MALT1: variants seen among roughly 807,000 people sequenced by gnomAD.
MALT1 encodes the protein MALT1 paracaspase.
Under a neutral mutation model 85.5 loss-of-function variants are expected in MALT1, and 36 were observed. That is an observed-to-expected ratio of 0.42 (90% CI 0.32 to 0.56). The LOEUF is 0.56. MALT1 is among the 20% of genes least tolerant of loss of function. The pLI is 0.10. For missense variants in MALT1, 716 were observed against 981.6 expected (o/e 0.73, Z 3.62); for synonymous variants, 359 against 361.3 (o/e 0.99, Z 0.07).
Position 58,733,377 on chromosome 18 carries a change from C to CT in MALT1, c.1223-18dup, listed in dbSNP as rs1414345919. 5.9e-6 allele frequency: 9 copies of CT among 1,517,958 alleles called. No individual in the cohort carries two copies. In the East Asian group the frequency reaches 6.7e-5, roughly 11 times the overall value. The allele number at this position is 1,517,958 out of a possible 1,614,324, so 94.0% of individuals were successfully genotyped here. A position where few individuals can be genotyped will look rare whatever the true frequency, so the allele number is the denominator to read the frequency against. On this transcript the variant is annotated intron_variant, in intron 10 of 16. Coordinates refer to ENST00000649217, the MANE Select transcript of MALT1 (RefSeq NM_006785.4). ...ATTTAGAATTGACATCTATCTCTCTCTTATTTTTCCTCTTTTCAGGGTTAT... is the reference window on the plus strand; with the variant it reads ...ATTTAGAATTGACATCTATCTCTCTCTTTATTTTTCCTCTTTTCAGGGTTAT...
chr18:58,734,977 A>G lies in MALT1; in HGVS notation c.1476-225A>G, dbSNP rs2055204231. On this transcript the variant is annotated intron_variant, in intron 12 of 16. Coordinates refer to ENST00000649217, the MANE Select transcript of MALT1 (RefSeq NM_006785.4). The stretch of plus-strand genomic sequence containing the variant: ...GTATTCAATGTGGAATGATTGAATC[A>G]AGATAATTCACATATCACCTCAAAT... Among the ~76,000 whole-genome samples, 3 of 152,238 alleles carry G rather than the reference A, an allele frequency of 2.0e-5. No individual in the cohort carries two copies. The South Asian group carries it at 6.2e-4, about 32-fold the overall frequency.
chr18:58,706,170 T>A (rs1300121108), intron 4 of MALT1, among the ~76,000 whole-genome samples: 1 of 152,100 alleles, frequency 6.6e-6, no homozygotes, highest in East Asian at 1.9e-4. Context: ...TATTTTTTAG[T>A]AGAGACGGGG....
At chr18:58,684,787 A>G (rs920272046) in intron 2 of MALT1, among the ~76,000 whole-genome samples, 1 of 152,168 alleles carries the variant, frequency 6.6e-6, no homozygotes, top group African/African-American at 2.4e-5. Flanking sequence ...GAAATATAAG[A>G]ATTACAGAGA....
intron 4 of MALT1, among the ~76,000 whole-genome samples, chr18:58,701,008 G>T (rs374518514): frequency 6.6e-6 from 1 of 151,990 alleles, no homozygotes; most frequent in Non-Finnish European, 1.5e-5. Context: ...GGCCAGGCTG[G>T]TCTTGAACTC....
intron 13 of MALT1, among the ~76,000 whole-genome samples, chr18:58,737,781 C>T (rs909206842): frequency 6.6e-6 from 1 of 152,100 alleles, no homozygotes; most frequent in Non-Finnish European, 1.5e-5. Context: ...TAGGGTTTCG[C>T]CATGTTGGCC....
At chr18:58,683,973 C>A (rs2054360133) in intron 2 of MALT1, among the ~76,000 whole-genome samples, 1 of 152,042 alleles carries the variant, frequency 6.6e-6, no homozygotes, top group South Asian at 2.1e-4. Flanking sequence ...GCTCTGTCTC[C>A]CAGGCTGGAA....
intron 15 of MALT1, among the ~76,000 whole-genome samples, chr18:58,744,806 GTTATAAC>G (rs2055345736): frequency 6.6e-6 from 1 of 152,138 alleles, no homozygotes. Context: ...CTTTTAAACA[GTTATAAC>G]TTATATTGGA....
intron 4 of MALT1, among the ~76,000 whole-genome samples, chr18:58,708,936 G>A (rs527605214): frequency 1.3e-5 from 2 of 152,326 alleles, no homozygotes; most frequent in East Asian, 3.9e-4. Context: ...TATTTATTCA[G>A]TGCGGGTTAC....
intron 13 of MALT1, among the ~76,000 whole-genome samples, chr18:58,737,773 G>A (rs1320533091): frequency 1.3e-5 from 2 of 152,050 alleles, no homozygotes; most frequent in Admixed American, 1.3e-4. Flanking sequence ...GGTAGAGATA[G>A]GGTTTCGCCA....
intron 10 of MALT1, among the ~76,000 whole-genome samples, chr18:58,725,483 A>C (rs1012275694): frequency 6.6e-6 from 1 of 152,154 alleles, no homozygotes; most frequent in African/African-American, 2.4e-5. Context: ...AGGATACTCA[A>C]CCTGTATTTT....
At chr18:58,737,326 T>A (rs1012591954) in intron 13 of MALT1, among the ~76,000 whole-genome samples, 33 of 151,896 alleles carry the variant, frequency 2.2e-4, no homozygotes, top group African/African-American at 7.7e-4. Flanking sequence ...TATAAAAATT[T>A]AAAAAATTAG....
In MALT1 at chr18:58,741,974, T is replaced by C. The variant is rs769825306; in HGVS notation, c.1713T>C (p.Ala571=). Residue 571 remains alanine, a synonymous_variant, in exon 14 of 17, where the codon GCT becomes GCC. Transcript: ENST00000649217. ...TDPIQGTEYS[A]ESLVRNLQWA... ...CAATACAGGGAACAGAATATTCTGC[T>C]GAATCTCTTGTGCGGAATCTACAGT... is the stretch of plus-strand genomic sequence containing the variant. The C allele has an allele frequency of 2.5e-5, 39 of 1,552,402 alleles. No individual in the cohort carries two copies. In the East Asian group the frequency reaches 7.5e-4, roughly 30 times the overall value.
intron 9 of MALT1, among the ~76,000 whole-genome samples, chr18:58,719,892 T>A (rs1262609728): frequency 1.3e-5 from 2 of 151,062 alleles, no homozygotes; most frequent in African/African-American, 5.0e-5. Context: ...GATTTTTAAA[T>A]AAATACTTAA....
chr18:58,696,501 T>A lies in MALT1; in HGVS notation c.498+14T>A. ...ATGAATAAAGAGGTAATTTTTTAAA[T>A]ATATCTTTTAATTCTTCCAAGGAGA... On this transcript the variant is annotated intron_variant, in intron 3 of 16. Transcript: ENST00000649217. The A allele has an allele frequency of 6.5e-7, 1 of 1,537,342 alleles. No individual in the cohort carries two copies. The highest frequency in any genetic ancestry group is 8.8e-7 in the Non-Finnish European group (1 of 1,133,658).
chr18:58,745,876 C>A, intron 16 of MALT1, 85 bp downstream of exon 16: 1 of 1,235,188 alleles, frequency 8.1e-7, no homozygotes, highest in South Asian at 1.4e-5. Context: ...AGATATGCTG[C>A]CTTATTATTA....
intron 7 of MALT1, among the ~76,000 whole-genome samples, chr18:58,711,506 C>G (rs556396407): frequency 6.6e-6 from 1 of 152,222 alleles, no homozygotes; most frequent in East Asian, 1.9e-4. Flanking sequence ...ACCATGTCAC[C>G]TTTACCATAA....
intron 1 of MALT1, among the ~76,000 whole-genome samples, chr18:58,677,049 A>G (rs2144299438): frequency 6.6e-6 from 1 of 152,334 alleles, no homozygotes; most frequent in Admixed American, 6.5e-5. Flanking sequence ...AAATTAAATC[A>G]AAAATTCTAA....
intron 4 of MALT1, among the ~76,000 whole-genome samples, chr18:58,707,451 G>A (rs1288745591): frequency 6.6e-6 from 1 of 150,536 alleles, no homozygotes; most frequent in Non-Finnish European, 1.5e-5. Context: ...TATACTCTAA[G>A]TTTTGGGATA....
chr18:58,698,817 G>A (rs920287848), intron 3 of MALT1, among the ~76,000 whole-genome samples: 2 of 152,216 alleles, frequency 1.3e-5, no homozygotes, highest in Admixed American at 6.5e-5. Flanking sequence ...ACAAAGGGGA[G>A]AAGAACAAGG....
Sources: gnomAD v4.1 joint callset for allele counts (sites outside exome capture counted in the v4.1 genomes callset) on GRCh38, gnomAD v4.1.1 for gene constraint, MANE v1.5 for transcripts, NCBI Gene and HGNC (gene_info 2026-07-23, HGNC 2026-07-21) for gene names.